CPD: variants seen among roughly 807,000 people sequenced by gnomAD.
CPD encodes the protein metallocarboxypeptidase D.
Under a neutral mutation model 138.3 loss-of-function variants are expected in CPD, and 69 were observed. That is an observed-to-expected ratio of 0.50 (90% confidence interval 0.41 to 0.61). The LOEUF (loss-of-function observed/expected upper bound fraction) is 0.61. Among genes scored for constraint, CPD ranks in the 20% least tolerant of loss-of-function variants. CPD has a pLI of 0.00. For missense variants in CPD, 1,432 were observed against 1,733.3 expected, an observed-to-expected ratio of 0.83 and a Z score of 3.09; for synonymous variants, 651 against 642.1, an observed-to-expected ratio of 1.01 and a Z score of -0.21.
chr17:30,461,858 AT>A lies in CPD; in HGVS notation c.3631-15del. ...TGGCATTATGACAACATAAATTTAT[AT>A]TTTAAACATTTTTTCAGGTTCACAA... On this transcript the variant is annotated intron_variant, in intron 18 of 20. Coordinates refer to ENST00000225719, the MANE Select transcript of CPD (RefSeq NM_001304.5). The A allele has an allele frequency of 1.3e-6, 2 of 1,569,354 alleles. No individual in the cohort carries two copies. The highest frequency in any genetic ancestry group is 1.7e-6 in the Non-Finnish European group (2 of 1,156,958).
chr17:30,427,419 C>A lies in CPD; in HGVS notation c.1878C>A (p.Asn626Lys). 1 of 1,614,082 alleles carries A rather than the reference C, an allele frequency of 6.2e-7. No individual in the cohort carries two copies. Among genetic ancestry groups the A allele is most frequent in the Non-Finnish European group, 8.5e-7 (1 of 1,179,996 alleles). Residue 626 changes from asparagine (N) to lysine (K), a missense_variant, in exon 7 of 21, where the codon AAC (asparagine) becomes AAA (lysine). Coordinates refer to ENST00000225719, the MANE Select transcript of CPD (RefSeq NM_001304.5). ...ATTCAATAAGTGTAATTGGCAGAAA[C>A]AACAGCAACAACTTTGACCTGAACC... Reference protein sequence around the residue: ...EGDSISVIGRNNSNNFDLNRN... With the variant: ...EGDSISVIGRKNSNNFDLNRN...
At chr17:30,422,217 C>G (rs1233794053) in intron 4 of CPD, among the ~76,000 whole-genome samples, 1 of 152,146 alleles carries the variant, frequency 6.6e-6, no homozygotes, top group African/African-American at 2.4e-5. Context: ...TTTCCCACCT[C>G]CCCTGGAAAG....
At chr17:30,400,469 A>AAAATAGC (rs1193919641) in intron 2 of CPD, among the ~76,000 whole-genome samples, 1 of 152,096 alleles carries the variant, frequency 6.6e-6, no homozygotes, top group East Asian at 1.9e-4. Flanking sequence ...TAAGGGGAGA[A>AAAATAGC]AAATAGCTGA....
intron 2 of CPD, among the ~76,000 whole-genome samples, chr17:30,386,688 A>G (rs113129011): frequency 0.013 from 1,922 of 152,334 alleles, 35 homozygotes; most frequent in African/African-American, 0.044. Context: ...GATATTTTAT[A>G]TAACTGGAGT....
intron 2 of CPD, among the ~76,000 whole-genome samples, chr17:30,414,347 G>A (rs1370478390): frequency 1.3e-5 from 2 of 152,156 alleles, no homozygotes; most frequent in Non-Finnish European, 1.5e-5. Context: ...AGGCCAAGGT[G>A]GGTGGATCAC....
At chr17:30,386,691 A>G (rs1275037615) in intron 2 of CPD, among the ~76,000 whole-genome samples, 1 of 152,206 alleles carries the variant, frequency 6.6e-6, no homozygotes, top group African/African-American at 2.4e-5. Flanking sequence ...ATTTTATATA[A>G]CTGGAGTTAT....
chr17:30,422,731 G>A lies in CPD; in HGVS notation c.1365G>A (p.Val455=). The A allele has an allele frequency of 6.2e-7, 1 of 1,613,952 alleles. No homozygotes were observed. The highest frequency in any genetic ancestry group is 8.5e-7 in the Non-Finnish European group (1 of 1,179,930). The part of the protein sequence containing the change: ...VVVKEGPATE[V]DFSLRPTVTS... Reference sequence around the variant, plus strand: ...TGAAAGAAGGACCAGCCACAGAGGTGGATTTTTCTCTTAGGCCAACTGTAA... The same window carrying A: ...TGAAAGAAGGACCAGCCACAGAGGTAGATTTTTCTCTTAGGCCAACTGTAA... Residue 455 remains valine (V), a synonymous_variant, in exon 5 of 21, where the codon GTG becomes GTA. Coordinates refer to ENST00000225719, the MANE Select transcript of CPD (RefSeq NM_001304.5).
chr17:30,428,174 G>T (rs926118756), intron 7 of CPD, among the ~76,000 whole-genome samples: 1 of 152,110 alleles, frequency 6.6e-6, no homozygotes, highest in Non-Finnish European at 1.5e-5. Flanking sequence ...TAGTACCTGA[G>T]CTCATATACC....
chr17:30,420,249 G>A (rs543716082), intron 2 of CPD, among the ~76,000 whole-genome samples: 1 of 152,182 alleles, frequency 6.6e-6, no homozygotes, highest in South Asian at 2.1e-4. Context: ...CCCCTGATTT[G>A]TGTAGCTGTG....
chr17:30,411,626 G>A (rs1911970862), intron 2 of CPD, among the ~76,000 whole-genome samples: 1 of 151,980 alleles, frequency 6.6e-6, no homozygotes, highest in Non-Finnish European at 1.5e-5. Context: ...AACCACGATA[G>A]CCTTTCTTCC....
rs59032159 is a variant in CPD at position 30,443,981 on chromosome 17, T to A, written c.2543+10T>A. 2,352 of 1,613,220 alleles carry A rather than the reference T, an allele frequency of 1.5e-3. 29 individuals are homozygous for A. In the African/African-American group the frequency reaches 0.027, roughly 19 times the overall value. ...CAGCATCTGCTCGAGGGTGAGTGAC[T>A]GAATGCTTTGAAATAGAGTGCTCGG... On this transcript the variant is annotated intron_variant, in intron 11 of 20. Transcript: ENST00000225719.
In CPD at chr17:30,399,993, A is replaced by AAAAT. The variant is rs1360936259; in HGVS notation, c.994+14772_994+14775dup. On this transcript the variant is annotated intron_variant, in intron 2 of 20. Coordinates refer to ENST00000225719, the MANE Select transcript of CPD (RefSeq NM_001304.5). ...GTAATACAGCGAGACTCTGTCTCAA[A>AAAAT]AAATAAATAAATAAATAATAAGTAA... Among the ~76,000 whole-genome samples the AAAAT allele has an allele frequency of 5.3e-5, 8 of 152,332 alleles. No individual in the cohort carries two copies. In the East Asian group the frequency reaches 1.2e-3, roughly 22 times the overall value.
In CPD at chr17:30,418,475, A is replaced by G. The variant is rs1597718388; in HGVS notation, c.995-2366A>G. Among the ~76,000 whole-genome samples the G allele has an allele frequency of 3.3e-5, 5 of 152,300 alleles. No individual in the cohort carries two copies. The South Asian group carries it at 1.0e-3, about 32-fold the overall frequency. On this transcript the variant is annotated intron_variant, in intron 2 of 20. Transcript: ENST00000225719. The stretch of plus-strand genomic sequence containing the variant: ...GAGCACCTACTATATGCCAGGCACT[A>G]TTCTAGGTACTGCCCTCAGCCTCCC...
intron 2 of CPD, among the ~76,000 whole-genome samples, chr17:30,399,015 A>G (rs1911582270): frequency 6.6e-6 from 1 of 152,048 alleles, no homozygotes; most frequent in African/African-American, 2.4e-5. Flanking sequence ...AGATAAAGGT[A>G]GACATCACAA....
At chr17:30,460,983 T>A (rs374405575) in intron 17 of CPD, among the ~76,000 whole-genome samples, 197 bp from the exon 18 acceptor site, 1,922 of 152,330 alleles carry the variant, frequency 0.013, 33 homozygotes, top group African/African-American at 0.044. Context: ...GCCCCTGTCC[T>A]CAAGGGCTCT....
chr17:30,415,872 G>A (rs1912092540), intron 2 of CPD, among the ~76,000 whole-genome samples: 1 of 152,216 alleles, frequency 6.6e-6, no homozygotes, highest in African/African-American at 2.4e-5. Flanking sequence ...TATGCTAAGT[G>A]AAATAAGCCA....
At chr17:30,429,143 G>A (rs1270186447) in intron 7 of CPD, among the ~76,000 whole-genome samples, 4 of 152,150 alleles carry the variant, frequency 2.6e-5, no homozygotes, top group Admixed American at 2.6e-4. Context: ...TTCTCAAAGA[G>A]TCAAATAAGA....
At position 30,422,682 on chromosome 17, in the gene CPD, C is replaced by T. The variant is rs747921803; in HGVS notation, c.1316C>T (p.Pro439Leu). 1 of 1,606,198 alleles carries T rather than the reference C, an allele frequency of 6.2e-7. No homozygotes were observed. Among genetic ancestry groups the T allele is most frequent in the South Asian group, 1.1e-5 (1 of 89,912 alleles). The change falls in exon 5 of 21, where the codon CCA (proline) becomes CTA (leucine). Residue 439 changes from proline (P) to leucine (L), a missense_variant. This residue lies in a region of CPD where 160 missense variants were observed against 197.9 expected (regional missense o/e 0.81). Coordinates refer to ENST00000225719, the MANE Select transcript of CPD (RefSeq NM_001304.5). Reference sequence around the variant, plus strand: ...TCAAATTTTTTTTTCAGGTATATGCCATTGACTGTTACTAATGTAGTGGTG... The same window carrying T: ...TCAAATTTTTTTTTCAGGTATATGCTATTGACTGTTACTAATGTAGTGGTG... Reference protein sequence around the residue: ...NLTVVLTGYMPLTVTNVVVKE... With the variant: ...NLTVVLTGYMLLTVTNVVVKE...
chr17:30,463,387 G>A (rs1458536594), intron 20 of CPD, among the ~76,000 whole-genome samples: 1 of 152,160 alleles, frequency 6.6e-6, no homozygotes, highest in Non-Finnish European at 1.5e-5. Context: ...CTAGAACGAT[G>A]GTTAGCACGC....
Sources: allele counts gnomAD v4.1 joint callset (sites outside exome capture counted in the v4.1 genomes callset), GRCh38; gene constraint gnomAD v4.1.1; regional missense constraint gnomAD v4.1.1; transcripts MANE v1.5; gene names NCBI Gene and HGNC (gene_info 2026-07-23, HGNC 2026-07-21).